RORB: variants seen among roughly 807,000 people sequenced by gnomAD.
RORB encodes RAR related orphan receptor B, also known as nuclear receptor ROR-beta.
Under a neutral mutation model 59.1 loss-of-function variants are expected in RORB, and 6 were observed. That is an observed-to-expected ratio of 0.10 (90% CI 0.06 to 0.20). RORB has a LOEUF of 0.20. RORB is among the 10% of genes least tolerant of loss of function. The probability of loss-of-function intolerance (pLI) is 1.00; values close to 1 mark genes in which losing one functional copy is unlikely to be tolerated. For missense variants in RORB, 320 were observed against 560.5 expected, an observed-to-expected ratio of 0.57 and a Z score of 4.33; for synonymous variants, 215 against 204.5, an observed-to-expected ratio of 1.05 and a Z score of -0.44.
chr9:74,638,914 G>C (rs899548951), intron 3 of RORB, among the ~76,000 whole-genome samples: 1 of 152,184 alleles, frequency 6.6e-6, no homozygotes, highest in Non-Finnish European at 1.5e-5. Flanking sequence ...CTAAAATGTA[G>C]TAGTTTTAAG....
intron 1 of RORB, among the ~76,000 whole-genome samples, chr9:74,519,374 C>T (rs1257488002): frequency 6.6e-6 from 1 of 151,970 alleles, no homozygotes; most frequent in East Asian, 1.9e-4. Context: ...GCCTTTCCTT[C>T]AAGTACATCT....
chr9:74,522,346 T>C (rs1826095350), intron 1 of RORB, among the ~76,000 whole-genome samples: 1 of 151,776 alleles, frequency 6.6e-6, no homozygotes, highest in African/African-American at 2.4e-5. Context: ...CATTTTTAGA[T>C]TCAAAATAAC....
intron 1 of RORB, among the ~76,000 whole-genome samples, chr9:74,519,087 A>G (rs1184816376): frequency 6.6e-6 from 1 of 151,994 alleles, no homozygotes; most frequent in Non-Finnish European, 1.5e-5. Flanking sequence ...CCAGTAAATG[A>G]GTTTACCGAA....
At chr9:74,662,722 A>G in intron 6 of RORB, 116 bp downstream of exon 6, 1 of 1,030,562 alleles carries the variant, frequency 9.7e-7, no homozygotes, top group East Asian at 2.4e-5. Flanking sequence ...TACCACCCAC[A>G]TTGTCAGCCA....
At chr9:74,609,200 G>T (rs546367975) in intron 1 of RORB, among the ~76,000 whole-genome samples, 1 of 152,152 alleles carries the variant, frequency 6.6e-6, no homozygotes, top group African/African-American at 2.4e-5. Flanking sequence ...TAACAAATAC[G>T]CAAAATAGTA....
chr9:74,600,333 C>T (rs568707981), intron 1 of RORB, among the ~76,000 whole-genome samples: 7 of 152,166 alleles, frequency 4.6e-5, no homozygotes, highest in Middle Eastern at 3.2e-3. Context: ...TATTTTCAGA[C>T]GTGATGGTGT....
At chr9:74,511,532 C>T (rs1352874709) in intron 1 of RORB, among the ~76,000 whole-genome samples, 1 of 150,950 alleles carries the variant, frequency 6.6e-6, no homozygotes, top group African/African-American at 2.4e-5. Flanking sequence ...GGCCTGTGGT[C>T]CTGGCACATA....
intron 1 of RORB, among the ~76,000 whole-genome samples, chr9:74,543,300 C>T (rs1826438267): frequency 6.6e-6 from 1 of 152,146 alleles, no homozygotes. Flanking sequence ...CAGATACAGG[C>T]AGATATATGA....
intron 1 of RORB, among the ~76,000 whole-genome samples, chr9:74,606,848 T>C (rs1823157560): frequency 6.6e-6 from 1 of 152,122 alleles, no homozygotes; most frequent in Non-Finnish European, 1.5e-5. Context: ...ATCTAAAAAA[T>C]AGCAATAAAT....
Position 74,561,253 on chromosome 9 carries a change from A to G in RORB, c.7+63270A>G, listed in dbSNP as rs541134343. On this transcript the variant is annotated intron_variant, in intron 1 of 9. Transcript: ENST00000376896. ...CATTAAATAATCATCGCTGCATTCT[A>G]TGTTTCTCTGGTTCTTGTTCTAAAT... 6.2e-4 allele frequency among the ~76,000 whole-genome samples: 95 copies of G among 152,268 alleles called. 1 individual carries two copies. Among genetic ancestry groups the G allele is most frequent in the African/African-American group, 2.2e-3 (91 of 41,568 alleles).
In RORB at chr9:74,589,328, A is replaced by G. The variant is rs149649826; in HGVS notation, c.8-40954A>G. Among the ~76,000 whole-genome samples, 28 of 152,290 alleles carry G rather than the reference A, an allele frequency of 1.8e-4. No individual in the cohort carries two copies. The East Asian group carries it at 5.4e-3, about 30-fold the overall frequency. On this transcript the variant is annotated intron_variant, in intron 1 of 9. Coordinates refer to ENST00000376896, the MANE Select transcript of RORB (RefSeq NM_006914.4). ...GTTCCTGTGTCTTTCTATTTCTTCC[A>G]TTCCCGAAATATGACTACACAGGTT...
chr9:74,630,507 T>TGGG, intron 2 of RORB, 140 bp downstream of exon 2: 1 of 399,788 alleles, frequency 2.5e-6, no homozygotes, highest in Non-Finnish European at 4.6e-6. Context: ...TCTTGCGTGG[T>TGGG]GGGTGGGAGG....
chr9:74,550,935 C>A (rs1826597975), intron 1 of RORB, among the ~76,000 whole-genome samples: 1 of 152,086 alleles, frequency 6.6e-6, no homozygotes, highest in African/African-American at 2.4e-5. Flanking sequence ...TTAATAATTT[C>A]TATATTGCTT....
intron 1 of RORB, among the ~76,000 whole-genome samples, chr9:74,535,730 TA>T (rs1826312930): frequency 1.3e-5 from 2 of 152,036 alleles, no homozygotes; most frequent in Admixed American, 1.3e-4. Context: ...TCCCATGAGC[TA>T]TCCAAATTCA....
In RORB at chr9:74,585,784, A is replaced by ATATTTATTTATTTATTCATT. The variant is rs1554668192; in HGVS notation, c.8-44482_8-44481insCATTTATTTATTTATTTATT. 9.0e-5 allele frequency among the ~76,000 whole-genome samples: 13 copies of ATATTTATTTATTTATTCATT among 145,122 alleles called. No individual in the cohort carries two copies. The East Asian group carries it at 1.2e-3, about 14-fold the overall frequency. On this transcript the variant is annotated intron_variant, in intron 1 of 9. Transcript: ENST00000376896. Reference sequence around the variant, plus strand: ...CTACACAGCACTCTTTTCACAGGGGATATTTATTTATTTATTTATTTATTT... The same window carrying ATATTTATTTATTTATTCATT: ...CTACACAGCACTCTTTTCACAGGGGATATTTATTTATTTATTCATTTATTTATTTATTTATTTATTTATTT...
intron 1 of RORB, among the ~76,000 whole-genome samples, chr9:74,500,309 C>T (rs940697813): frequency 6.6e-6 from 1 of 152,118 alleles, no homozygotes; most frequent in African/African-American, 2.4e-5. Flanking sequence ...CATATTTTCC[C>T]CGGACAGTGC....
In RORB at chr9:74,548,140, T is replaced by TTACC. The variant is rs370402732; in HGVS notation, c.7+50157_7+50158insTACC. 3.0e-3 allele frequency among the ~76,000 whole-genome samples: 452 copies of TTACC among 152,192 alleles called. 6 individuals are homozygous for TTACC. Among genetic ancestry groups the TTACC allele is most frequent in the African/African-American group, 0.01 (431 of 41,536 alleles). ...ATGTTTTTTAGCAAGAGCAGCCAGG[T>TTACC]CATAACGTTACCCATAACGGCATGA... On this transcript the variant is annotated intron_variant, in intron 1 of 9. Coordinates refer to ENST00000376896, the MANE Select transcript of RORB (RefSeq NM_006914.4).
intron 1 of RORB, among the ~76,000 whole-genome samples, chr9:74,545,655 G>A (rs185976483): frequency 6.6e-6 from 1 of 152,320 alleles, no homozygotes; most frequent in African/African-American, 2.4e-5. Flanking sequence ...AATCTGATTA[G>A]GCTGGGGAAA....
At chr9:74,630,202 A>C (rs1040536399) in intron 1 of RORB, 80 bp from the exon 2 acceptor site, 1 of 1,554,226 alleles carries the variant, frequency 6.4e-7, no homozygotes, top group African/African-American at 1.4e-5. Flanking sequence ...CAAGGCAGAG[A>C]TAGATGGGGA....
Sources: allele counts gnomAD v4.1 joint callset (sites outside exome capture counted in the v4.1 genomes callset), GRCh38; gene constraint gnomAD v4.1.1; transcripts MANE v1.5; gene names NCBI Gene and HGNC (gene_info 2026-07-23, HGNC 2026-07-21).